RSBN1L: variants seen among roughly 807,000 people sequenced by gnomAD.
The protein encoded by RSBN1L is lysine-specific demethylase RSBN1L.
Under a neutral mutation model 67.7 loss-of-function variants are expected in RSBN1L, and 30 were observed. The ratio of observed to expected loss-of-function variants is 0.44; its 90% CI spans 0.33 to 0.60. RSBN1L has a LOEUF of 0.60. RSBN1L is among the 20% of genes least tolerant of loss of function. RSBN1L has a pLI of 0.02. For missense variants in RSBN1L, 992 were observed against 1,031.7 expected (o/e 0.96, Z 0.53); for synonymous variants, 433 against 387.0 (o/e 1.12, Z -1.39).
At chr7:77,702,421 T>G (rs1790830608) in intron 1 of RSBN1L, among the ~76,000 whole-genome samples, 1 of 152,204 alleles carries the variant, frequency 6.6e-6, no homozygotes, top group Admixed American at 6.5e-5. Flanking sequence ...CTCCCTATTA[T>G]TTTTGGTTTT....
chr7:77,746,834 C>T (rs1393892665), intron 2 of RSBN1L, among the ~76,000 whole-genome samples: 2 of 152,186 alleles, frequency 1.3e-5, no homozygotes, highest in African/African-American at 4.8e-5. Flanking sequence ...GTCCGAAACC[C>T]AGCAGGGCAG....
At chr7:77,750,206 T>C in intron 3 of RSBN1L, 142 bp downstream of exon 3, 1 of 397,330 alleles carries the variant, frequency 2.5e-6, no homozygotes, top group Non-Finnish European at 4.2e-6. Flanking sequence ...GTAAATTACT[T>C]TCTTGATGTG....
intron 1 of RSBN1L, among the ~76,000 whole-genome samples, chr7:77,717,992 C>T (rs117252167): frequency 0.018 from 2,797 of 152,194 alleles, 38 homozygotes; most frequent in Middle Eastern, 0.071. Flanking sequence ...GCACTCCAGT[C>T]GGGGCGACAG....
intron 2 of RSBN1L, among the ~76,000 whole-genome samples, chr7:77,738,296 T>G (rs1342555979): frequency 6.6e-6 from 1 of 152,082 alleles, no homozygotes; most frequent in Non-Finnish European, 1.5e-5. Context: ...GCCTAAAAAT[T>G]GAGATTTTTA....
chr7:77,714,142 C>CT (rs1264526652), intron 1 of RSBN1L, among the ~76,000 whole-genome samples: 1 of 152,196 alleles, frequency 6.6e-6, no homozygotes. Flanking sequence ...CCTCATTACT[C>CT]TATCTTTAGG....
chr7:77,725,190 A>G (rs1236393968), intron 1 of RSBN1L, among the ~76,000 whole-genome samples: 1 of 148,228 alleles, frequency 6.7e-6, no homozygotes, highest in Admixed American at 6.8e-5. Context: ...TAGGAAGTAA[A>G]TGAAATAAAA....
At chr7:77,743,383 G>C (rs961693426) in intron 2 of RSBN1L, among the ~76,000 whole-genome samples, 3 of 151,918 alleles carry the variant, frequency 2.0e-5, no homozygotes, top group African/African-American at 7.3e-5. Flanking sequence ...TGGATAATCT[G>C]AGGTCAGGAG....
intron 6 of RSBN1L, 92 bp downstream of exon 6, chr7:77,773,406 A>T: frequency 1.1e-6 from 1 of 904,300 alleles, no homozygotes. Context: ...TACTGTGGGA[A>T]AAAAGTTTCA....
At chr7:77,771,885 C>T (rs773546139) in intron 5 of RSBN1L, among the ~76,000 whole-genome samples, 29 of 151,768 alleles carry the variant, frequency 1.9e-4, no homozygotes, top group Non-Finnish European at 3.4e-4. Context: ...AGTCTCTTCT[C>T]AGAACAATAC....
chr7:77,724,432 C>CTTTTTTTTTTTTTTTTTT (rs557313211), intron 1 of RSBN1L, among the ~76,000 whole-genome samples: 1 of 136,438 alleles, frequency 7.3e-6, no homozygotes, highest in Non-Finnish European at 1.6e-5. Context: ...TTTCTTTTTT[C>CTTTTTTTTTTTTTTTTTT]TTTTTTTTTT....
At chr7:77,742,697 C>T (rs966538120) in intron 2 of RSBN1L, among the ~76,000 whole-genome samples, 6 of 152,072 alleles carry the variant, frequency 3.9e-5, no homozygotes, top group Admixed American at 2.0e-4. Context: ...ATTAGCCAGG[C>T]GTGGTGGTGC....
intron 1 of RSBN1L, among the ~76,000 whole-genome samples, chr7:77,709,426 A>G (rs934344637): frequency 2.0e-5 from 3 of 151,952 alleles, no homozygotes; most frequent in Admixed American, 6.6e-5. Context: ...ATTAGCTGGA[A>G]TTACAGGCAC....
At chr7:77,758,228 G>A (rs947529327) in intron 3 of RSBN1L, among the ~76,000 whole-genome samples, 7 of 151,970 alleles carry the variant, frequency 4.6e-5, no homozygotes, top group African/African-American at 9.7e-5. Context: ...GTGCGATCTC[G>A]GCTCACTGCA....
At chr7:77,747,318 T>C (rs759814096) in intron 2 of RSBN1L, among the ~76,000 whole-genome samples, 1 of 152,168 alleles carries the variant, frequency 6.6e-6, no homozygotes, top group Admixed American at 6.5e-5. Flanking sequence ...GCTAATAGAC[T>C]AGACAATGGG....
At chr7:77,704,991 T>TTG (rs138276295) in intron 1 of RSBN1L, among the ~76,000 whole-genome samples, 82,285 of 149,052 alleles carry the variant, frequency 0.55, 23,808 homozygotes, top group African/African-American at 0.74. Context: ...AAAAAAAAAG[T>TTG]TGTGTGTGTG....
intron 2 of RSBN1L, among the ~76,000 whole-genome samples, chr7:77,741,758 A>G (rs1791413756): frequency 6.6e-6 from 1 of 152,030 alleles, no homozygotes; most frequent in Non-Finnish European, 1.5e-5. Context: ...TCTTTAGTGT[A>G]GGAGAAGCAA....
chr7:77,712,750 A>G (rs559497748), intron 1 of RSBN1L, among the ~76,000 whole-genome samples: 1 of 152,352 alleles, frequency 6.6e-6, no homozygotes, highest in South Asian at 2.1e-4. Context: ...AAACCATAAT[A>G]TATTTAACTG....
intron 1 of RSBN1L, among the ~76,000 whole-genome samples, chr7:77,724,402 A>G (rs1026615374): frequency 2.0e-5 from 3 of 151,756 alleles, no homozygotes; most frequent in African/African-American, 7.3e-5. Context: ...AATAATACAT[A>G]ATATATGAAT....
At chr7:77,772,652 T>C (rs1791864235) in intron 5 of RSBN1L, among the ~76,000 whole-genome samples, 1 of 152,248 alleles carries the variant, frequency 6.6e-6, no homozygotes, top group Non-Finnish European at 1.5e-5. Flanking sequence ...CTTCCCTCAC[T>C]AGACAGACTA....
Sources: allele counts gnomAD v4.1 joint callset (sites outside exome capture counted in the v4.1 genomes callset), GRCh38; gene constraint gnomAD v4.1.1; transcripts MANE v1.5; gene names NCBI Gene and HGNC (gene_info 2026-07-23, HGNC 2026-07-21).